PCDHGB1: variants seen among roughly 807,000 people sequenced by gnomAD.
The protein encoded by PCDHGB1 is protocadherin gamma subfamily B, 1, also known as protocadherin gamma-B1.
PCDHGB1 carries 34 observed loss-of-function variants against 56.6 expected under a neutral mutation model. That is an observed-to-expected ratio of 0.60 (90% CI 0.46 to 0.80). The LOEUF is 0.80. Ranked by LOEUF, PCDHGB1 falls within the 30% of genes least tolerant of loss-of-function variation. The pLI is 0.00. For synonymous variants in PCDHGB1, 561 were observed against 505.9 expected, an observed-to-expected ratio of 1.11 and a Z score of -1.46; for missense variants, 1,278 against 1,204.6, an observed-to-expected ratio of 1.06 and a Z score of -0.90.
chr5:141,388,889 C>A, intron 1 of PCDHGB1: 2 of 1,613,954 alleles, frequency 1.2e-6, no homozygotes, highest in Non-Finnish European at 1.7e-6. Flanking sequence ...AGGTAGAAGT[C>A]ATAGATGAAA....
In PCDHGB1 at chr5:141,477,524, A is replaced by G. The variant is rs1302186932; in HGVS notation, c.2410-17283A>G. The stretch of plus-strand genomic sequence containing the variant: ...CTACGACGTTTACATTGAAGAAAAC[A>G]ACCTCCCCGGGGCTCCAATACTAAA... On this transcript the variant is annotated intron_variant, in intron 1 of 3. Coordinates refer to ENST00000523390, the MANE Select transcript of PCDHGB1 (RefSeq NM_018922.3). The surrounding 1 kb of genome is among the most constrained non-coding windows in gnomAD (Gnocchi z 4.9). The G allele has an allele frequency of 1.2e-6, 2 of 1,614,122 alleles. No individual in the cohort carries two copies. Among genetic ancestry groups the G allele is most frequent in the Non-Finnish European group, 1.7e-6 (2 of 1,180,022 alleles).
intron 1 of PCDHGB1, chr5:141,408,141 C>G: frequency 1.3e-6 from 2 of 1,492,116 alleles, no homozygotes; most frequent in Non-Finnish European, 1.8e-6. Context: ...GCTCTTTTAG[C>G]GCGGTAGAGT....
intron 1 of PCDHGB1, among the ~76,000 whole-genome samples, chr5:141,483,218 A>G (rs2099578440): frequency 6.6e-6 from 1 of 152,188 alleles, no homozygotes; most frequent in Admixed American, 6.5e-5. Flanking sequence ...GATGACAGTC[A>G]CTGCAGAAAT....
intron 1 of PCDHGB1, chr5:141,384,250 A>C: frequency 6.2e-7 from 1 of 1,613,796 alleles, no homozygotes; most frequent in East Asian, 2.2e-5. Context: ...TAACCCACCC[A>C]CCTTCCCCCA....
chr5:141,471,972 T>C (rs952480654), intron 1 of PCDHGB1, among the ~76,000 whole-genome samples: 1 of 152,212 alleles, frequency 6.6e-6, no homozygotes, highest in South Asian at 2.1e-4. Context: ...GTTGCATTAC[T>C]GTATAAATTT....
At chr5:141,355,744 G>T in intron 1 of PCDHGB1, 2 of 1,613,960 alleles carry the variant, frequency 1.2e-6, no homozygotes, top group South Asian at 1.1e-5. Context: ...TTCCCTGGAC[G>T]TGCAAAGTGG....
At chr5:141,419,155 A>G in intron 1 of PCDHGB1, 1 of 1,613,966 alleles carries the variant, frequency 6.2e-7, no homozygotes, top group Middle Eastern at 1.6e-4. Context: ...AGCCTCCGTT[A>G]TCCTCCAGCA....
intron 1 of PCDHGB1, chr5:141,366,222 C>A: frequency 3.7e-6 from 6 of 1,613,804 alleles, no homozygotes; most frequent in Non-Finnish European, 5.1e-6. Context: ...ACAGCGCGAG[C>A]CCTGCTGGAC....
rs114918874 is a variant in PCDHGB1 at position 141,487,585 on chromosome 5, C to T, written c.2410-7222C>T. On this transcript the variant is annotated intron_variant, in intron 1 of 3. Transcript: ENST00000523390. This position sits in a 1 kb window ranked among gnomAD's most constrained non-coding sequence, Gnocchi z 5.0. Reference sequence around the variant, plus strand: ...CAGGGGAGCCTGTTCGCCCAAGCTGCCCACCCTCTGATCTTCTCTATGGGC... The same window carrying T: ...CAGGGGAGCCTGTTCGCCCAAGCTGTCCACCCTCTGATCTTCTCTATGGGC... 7,902 of 1,614,160 alleles carry T rather than the reference C, an allele frequency of 4.9e-3. 42 individuals are homozygous for T. The highest frequency in any genetic ancestry group is 8.8e-3 in the Admixed American group (531 of 60,020).
chr5:141,485,982 A>G lies in PCDHGB1; in HGVS notation c.2410-8825A>G. 6.2e-7 allele frequency: 1 copy of G among 1,614,156 alleles called. No homozygotes were observed. The highest frequency in any genetic ancestry group is 8.5e-7 in the Non-Finnish European group (1 of 1,180,020). ...ATCCAGCTCAATGCCTCAGACCCGG[A>G]CCTGGGTCCCAGTGGTAACGTCACC... On this transcript the variant is annotated intron_variant, in intron 1 of 3. Coordinates refer to ENST00000523390, the MANE Select transcript of PCDHGB1 (RefSeq NM_018922.3). The surrounding 1 kb of genome is among the most constrained non-coding windows in gnomAD (Gnocchi z 5.7).
chr5:141,495,205 C>T (rs977479495), intron 2 of PCDHGB1, among the ~76,000 whole-genome samples: 1 of 152,212 alleles, frequency 6.6e-6, no homozygotes, highest in African/African-American at 2.4e-5. Flanking sequence ...TACTGCCTAA[C>T]CCCCTCCCCT....
Position 141,421,691 on chromosome 5 carries a change from T to A in PCDHGB1, c.2409+69022T>A, listed in dbSNP as rs1175919580. ...GCAATTCCTGGGGCGCGATTTGCTC[T>A]TCCTAATGCTAGGGATCCAGATGTG... On this transcript the variant is annotated intron_variant, in intron 1 of 3. Coordinates refer to ENST00000523390, the MANE Select transcript of PCDHGB1 (RefSeq NM_018922.3). 6.2e-7 allele frequency: 1 copy of A among 1,613,816 alleles called. No individual in the cohort carries two copies. The highest frequency in any genetic ancestry group is 1.3e-5 in the African/African-American group (1 of 74,938).
intron 1 of PCDHGB1, chr5:141,366,307 GGTCACCGTTGCC>G: frequency 5.6e-6 from 9 of 1,613,748 alleles, no homozygotes; most frequent in Non-Finnish European, 7.6e-6. Flanking sequence ...CCACCTTCAC[GGTCACCGTTGCC>G]GTGGCCGACA....
In PCDHGB1 at chr5:141,485,115, G is replaced by T. The variant is rs1043877839; in HGVS notation, c.2410-9692G>T. On this transcript the variant is annotated intron_variant, in intron 1 of 3. Transcript: ENST00000523390. This position sits in a 1 kb window ranked among gnomAD's most constrained non-coding sequence, Gnocchi z 5.7. ...GTGTCTCCAGCTGCTGTGGCTGTTT[G>T]GGGCGGGTCGGCTTCATCCGCGTCT... The T allele has an allele frequency of 3.8e-6, 5 of 1,300,464 alleles. No homozygotes were observed. The African/African-American group carries it at 5.8e-5, about 15-fold the overall frequency. The allele number at this position is 1,300,464 out of a possible 1,614,324, so 80.6% of individuals were successfully genotyped here.
intron 1 of PCDHGB1, chr5:141,375,553 A>C: frequency 6.2e-7 from 1 of 1,613,838 alleles, no homozygotes; most frequent in Non-Finnish European, 8.5e-7. Flanking sequence ...TCTCCTACTC[A>C]CTGGCAGAAG....
At chr5:141,438,633 TATACACACAC>T (rs1369232099) in intron 1 of PCDHGB1, among the ~76,000 whole-genome samples, 454 of 33,892 alleles carry the variant, frequency 0.013, 1 homozygote, top group Non-Finnish European at 0.019. Flanking sequence ...TATATATATA[TATACACACAC>T]ACACACACAT....
intron 1 of PCDHGB1, among the ~76,000 whole-genome samples, chr5:141,449,840 T>C (rs1367482819): frequency 6.6e-6 from 1 of 151,692 alleles, no homozygotes; most frequent in Non-Finnish European, 1.5e-5. Context: ...TTTTATATAA[T>C]TAAATTTTAA....
rs767892593 is a variant in PCDHGB1, at chr5:141,400,152, T to C, written c.2409+47483T>C. 8 of 1,614,064 alleles carry C rather than the reference T, an allele frequency of 5.0e-6. 1 individual carries two copies. In the South Asian group the frequency reaches 6.6e-5, roughly 13 times the overall value. Reference sequence around the variant, plus strand: ...TGCTGCCGGATATCACTGACCGCCCTGTACCCTCTGACCCCCAGGCTGAGC... The same window carrying C: ...TGCTGCCGGATATCACTGACCGCCCCGTACCCTCTGACCCCCAGGCTGAGC... On this transcript the variant is annotated intron_variant, in intron 1 of 3. Transcript: ENST00000523390.
intron 3 of PCDHGB1, among the ~76,000 whole-genome samples, chr5:141,510,203 G>A (rs1164886289): frequency 6.6e-6 from 1 of 151,680 alleles, no homozygotes; most frequent in Non-Finnish European, 1.5e-5. Flanking sequence ...AGCCCAGGAG[G>A]CAGAGGTTGC....
Sources: gnomAD v4.1 joint callset for allele counts (sites outside exome capture counted in the v4.1 genomes callset) on GRCh38, gnomAD v4.1.1 for gene constraint, Gnocchi (gnomAD v3.1) non-coding constraint, MANE v1.5 for transcripts, NCBI Gene and HGNC (gene_info 2026-07-23, HGNC 2026-07-21) for gene names.